MMP20: variants seen among roughly 807,000 people sequenced by gnomAD.
MMP20 encodes the protein matrix metallopeptidase 20, also known as matrix metalloproteinase-20.
A neutral mutation model predicts 51.8 loss-of-function variants in MMP20; 50 were observed. The ratio of observed to expected loss-of-function variants is 0.97; its 90% CI spans 0.77 to 1.22. The LOEUF is 1.22. Among genes scored for constraint, MMP20 ranks in the 50% most tolerant of loss-of-function variants. The probability of loss-of-function intolerance (pLI) is 0.00; values close to 1 mark genes in which losing one functional copy is unlikely to be tolerated. For missense variants in MMP20, 663 were observed against 601.4 expected, an observed-to-expected ratio of 1.10 and a Z score of -1.07; for synonymous variants, 244 against 216.2, an observed-to-expected ratio of 1.13 and a Z score of -1.13.
intron 8 of MMP20, among the ~76,000 whole-genome samples, chr11:102,586,619 C>T (rs533429804): frequency 1.0e-3 from 153 of 152,138 alleles, no homozygotes; most frequent in Admixed American, 1.8e-3. Context: ...CGAGACCATC[C>T]TGGCTAACAC....
intron 8 of MMP20, among the ~76,000 whole-genome samples, chr11:102,586,274 C>T (rs929795697): frequency 6.6e-6 from 1 of 152,074 alleles, no homozygotes; most frequent in African/African-American, 2.4e-5. Context: ...CCCTTCTGGG[C>T]CTGGGCTTTT....
chr11:102,587,976 C>A (rs536845082), intron 8 of MMP20, among the ~76,000 whole-genome samples: 146 of 152,098 alleles, frequency 9.6e-4, no homozygotes, highest in South Asian at 2.1e-3. Context: ...TTATGCTTGC[C>A]ATTTTACTTT....
chr11:102,621,130 T>C (rs1859745561), intron 1 of MMP20, among the ~76,000 whole-genome samples: 1 of 152,214 alleles, frequency 6.6e-6, no homozygotes, highest in South Asian at 2.1e-4. Context: ...GCTCTCTCTC[T>C]ATTTCTCTGG....
intron 3 of MMP20, among the ~76,000 whole-genome samples, chr11:102,610,356 C>A (rs1859581957): frequency 7.0e-6 from 1 of 142,056 alleles, no homozygotes; most frequent in African/African-American, 2.5e-5. Context: ...AGGAGAACGA[C>A]TGGGGCGGGG....
At position 102,600,223 on chromosome 11, in the gene MMP20, C is replaced by T. The variant is rs561453433; in HGVS notation, c.954-5466G>A. ...TTCCTCCTGTTCCATGGTGGGCTTA[C>T]CTCAAGCCCATGGCATCCTGGGAAT... On this transcript the variant is annotated intron_variant, in intron 6 of 9. Transcript: ENST00000260228. Among the ~76,000 whole-genome samples, 3 of 152,290 alleles carry T rather than the reference C, an allele frequency of 2.0e-5. No individual in the cohort carries two copies. In the South Asian group the frequency reaches 6.2e-4, roughly 32 times the overall value.
At chr11:102,617,247 G>A (rs1178200442) in intron 1 of MMP20, among the ~76,000 whole-genome samples, 188 bp from the exon 2 acceptor site, 1 of 152,180 alleles carries the variant, frequency 6.6e-6, no homozygotes, top group Non-Finnish European at 1.5e-5. Context: ...ACGATGATTG[G>A]TTTTGGGTAG....
rs182870467 is a variant in MMP20, at chr11:102,623,773, A to C, written c.126+1421T>G. Among the ~76,000 whole-genome samples the C allele has an allele frequency of 2.9e-4, 44 of 152,312 alleles. No homozygotes were observed. The East Asian group carries it at 8.5e-3, about 29-fold the overall frequency. On this transcript the variant is annotated intron_variant, in intron 1 of 9. Transcript: ENST00000260228. Reference sequence around the variant, plus strand: ...TGGATTAGAAGGGGGGTCTCCCAACACCTCAGATCCATTCTGGCCTCAGCA... The same window carrying C: ...TGGATTAGAAGGGGGGTCTCCCAACCCCTCAGATCCATTCTGGCCTCAGCA...
chr11:102,616,879 G>A lies in MMP20; in HGVS notation c.307C>T (p.Pro103Ser). The change falls in exon 2 of 10, where the codon CCT becomes TCT. Residue 103 changes from proline (P) to serine (S), a missense_variant. Physicochemically the swap from Pro to Ser is moderately conservative, Grantham distance 74. Transcript: ENST00000260228. ...AAGAGGCGATAATTGGCCACATCAG[G>A]AACTCCACAGCGAGGCTTCTTGATC... is the stretch of plus-strand genomic sequence containing the variant. ...NVIKKPRCGV[P>S]DVANYRLFPG... 3 of 1,614,138 alleles carry A rather than the reference G, an allele frequency of 1.9e-6. No individual in the cohort carries two copies. Among genetic ancestry groups the A allele is most frequent in the Non-Finnish European group, 2.5e-6 (3 of 1,180,026 alleles).
intron 6 of MMP20, among the ~76,000 whole-genome samples, chr11:102,605,946 C>A (rs1005280154): frequency 1.3e-5 from 2 of 152,058 alleles, no homozygotes; most frequent in Non-Finnish European, 2.9e-5. Flanking sequence ...GTGAAAGGCC[C>A]GGAGGCACTG....
chr11:102,610,158 G>A (rs1859579127), intron 3 of MMP20, 128 bp from the exon 4 acceptor site: 1 of 1,071,720 alleles, frequency 9.3e-7, no homozygotes, highest in East Asian at 2.6e-5. Flanking sequence ...GTATTTATTT[G>A]TTATAATGGG....
At chr11:102,599,007 T>A (rs1292107164) in intron 6 of MMP20, among the ~76,000 whole-genome samples, 1 of 119,286 alleles carries the variant, frequency 8.4e-6, no homozygotes, top group East Asian at 2.8e-4. Flanking sequence ...GTGTCTTTCT[T>A]CTATCTTTTT....
chr11:102,585,207 T>C (rs1017029286), intron 8 of MMP20, among the ~76,000 whole-genome samples: 2 of 152,164 alleles, frequency 1.3e-5, no homozygotes, highest in Non-Finnish European at 2.9e-5. Flanking sequence ...GGGACTACTA[T>C]CATCTTAAAA....
chr11:102,602,114 T>C (rs1859454568), intron 6 of MMP20, among the ~76,000 whole-genome samples: 1 of 57,582 alleles, frequency 1.7e-5, no homozygotes, highest in Non-Finnish European at 3.3e-5. Flanking sequence ...CACGCCCGGC[T>C]AATTTTTTTT....
At chr11:102,624,401 C>CATATATAT (rs58212685) in intron 1 of MMP20, among the ~76,000 whole-genome samples, 93 of 140,142 alleles carry the variant, frequency 6.6e-4, no homozygotes, top group Admixed American at 7.9e-4. Context: ...CGCTTGGAAG[C>CATATATAT]ATATATATAT....
chr11:102,615,897 G>A (rs567462207), intron 2 of MMP20, among the ~76,000 whole-genome samples: 2 of 152,190 alleles, frequency 1.3e-5, no homozygotes, highest in African/African-American at 4.8e-5. Context: ...ACGCAGGCAG[G>A]CACCATCCAC....
intron 7 of MMP20, among the ~76,000 whole-genome samples, chr11:102,594,055 C>T (rs1859350580): frequency 6.6e-6 from 1 of 152,198 alleles, no homozygotes; most frequent in Non-Finnish European, 1.5e-5. Context: ...GCCATTGTCA[C>T]AACGCACCTT....
intron 8 of MMP20, among the ~76,000 whole-genome samples, chr11:102,591,389 C>A (rs1374027942): frequency 2.8e-4 from 43 of 152,162 alleles, no homozygotes; most frequent in Non-Finnish European, 2.9e-5. Context: ...GACTGAATCG[C>A]CGCTCAGAGA....
chr11:102,618,295 T>G (rs1241690086), intron 1 of MMP20, among the ~76,000 whole-genome samples: 1 of 151,716 alleles, frequency 6.6e-6, no homozygotes, highest in Admixed American at 6.6e-5. Context: ...TATATACAAT[T>G]TTATATTTAT....
intron 1 of MMP20, among the ~76,000 whole-genome samples, chr11:102,618,155 AT>A (rs1173299358): frequency 5.3e-5 from 8 of 152,186 alleles, no homozygotes; most frequent in African/African-American, 1.7e-4. Context: ...TACAAAAAAA[AT>A]GTCTGTTTTG....
Sources: gnomAD v4.1 joint callset for allele counts (sites outside exome capture counted in the v4.1 genomes callset) on GRCh38, gnomAD v4.1.1 for gene constraint, MANE v1.5 for transcripts, NCBI Gene and HGNC (gene_info 2026-07-23, HGNC 2026-07-21) for gene names.